The following CNTNAP2 variants were observed in gnomAD, a reference collection of about 807,000 sequenced individuals.
CNTNAP2 encodes the protein contactin associated protein 2.
A neutral mutation model predicts 155.2 loss-of-function variants in CNTNAP2; 98 were observed. The observed-to-expected ratio is 0.63, with a 90% confidence interval of 0.54 to 0.75. The LOEUF (loss-of-function observed/expected upper bound fraction) is 0.75, where lower values mean the gene tolerates loss of function less well. CNTNAP2 is among the 30% of genes least tolerant of loss of function. CNTNAP2 has a pLI of 0.00. For synonymous variants in CNTNAP2, 651 were observed against 631.2 expected, an observed-to-expected ratio of 1.03 and a Z score of -0.47; for missense variants, 1,727 against 1,688.1, an observed-to-expected ratio of 1.02 and a Z score of -0.40.
chr7:147,590,887 G>A (rs1030808409), intron 12 of CNTNAP2, among the ~76,000 whole-genome samples: 2 of 152,188 alleles, frequency 1.3e-5, no homozygotes, highest in Admixed American at 1.3e-4. Flanking sequence ...TATCTGAGGA[G>A]AAACTACTGA....
In CNTNAP2 at chr7:148,097,148, G is replaced by A. The variant is rs529708190; in HGVS notation, c.2384-20970G>A. ...AAACCGAACCCTTCCCACGTGGTCC[G>A]TGAAAACCCAGTTGCACATTTTCAG... On this transcript the variant is annotated intron_variant, in intron 15 of 23. Transcript: ENST00000361727. Among the ~76,000 whole-genome samples, 7 of 151,936 alleles carry A rather than the reference G, an allele frequency of 4.6e-5. No homozygotes were observed. In the South Asian group the frequency reaches 8.3e-4, roughly 18 times the overall value.
At chr7:146,790,962 G>A (rs1315697144) in intron 2 of CNTNAP2, among the ~76,000 whole-genome samples, 6 of 151,708 alleles carry the variant, frequency 4.0e-5, no homozygotes, top group South Asian at 2.1e-4. Flanking sequence ...GGGTACACGT[G>A]TGGAATGTGC....
intron 13 of CNTNAP2, among the ~76,000 whole-genome samples, chr7:147,692,226 C>G (rs879665546): frequency 6.6e-6 from 1 of 152,048 alleles, no homozygotes; most frequent in African/African-American, 2.4e-5. Context: ...TTTGTCATTG[C>G]AATGTACCAC....
chr7:147,586,474 A>ACC (rs2116835578), intron 12 of CNTNAP2, among the ~76,000 whole-genome samples: 1 of 137,202 alleles, frequency 7.3e-6, no homozygotes, highest in South Asian at 2.4e-4. Context: ...AGGGGCTTAG[A>ACC]AGTTTATTTT....
intron 1 of CNTNAP2, among the ~76,000 whole-genome samples, chr7:146,156,296 A>T (rs2116787762): frequency 6.6e-6 from 1 of 152,296 alleles, no homozygotes; most frequent in Admixed American, 6.5e-5. Context: ...CAAAGAGAAA[A>T]TAAAGAATGA....
At chr7:146,683,763 T>C (rs772988977) in intron 1 of CNTNAP2, among the ~76,000 whole-genome samples, 1 of 152,198 alleles carries the variant, frequency 6.6e-6, no homozygotes, top group Non-Finnish European at 1.5e-5. Flanking sequence ...GCCTATCACA[T>C]GTGGCATATA....
chr7:146,538,844 A>T, intron 1 of CNTNAP2, among the ~76,000 whole-genome samples: 1 of 152,244 alleles, frequency 6.6e-6, no homozygotes, highest in Middle Eastern at 3.4e-3. Context: ...TTTAAACATT[A>T]TCATAAAAAT....
intron 8 of CNTNAP2, among the ~76,000 whole-genome samples, chr7:147,299,347 AATCT>A: frequency 6.6e-6 from 1 of 152,264 alleles, no homozygotes; most frequent in South Asian, 2.1e-4. Flanking sequence ...TGGACAATTC[AATCT>A]AATTTTTGTT....
chr7:146,169,022 C>T (rs969643418), intron 1 of CNTNAP2, among the ~76,000 whole-genome samples: 1 of 152,162 alleles, frequency 6.6e-6, no homozygotes, highest in Non-Finnish European at 1.5e-5. Flanking sequence ...CATATTTGAA[C>T]CTCAGGACCT....
intron 12 of CNTNAP2, among the ~76,000 whole-genome samples, chr7:147,574,567 C>T (rs1800353109): frequency 6.6e-6 from 1 of 152,082 alleles, no homozygotes; most frequent in Admixed American, 6.6e-5. Flanking sequence ...AGGACTCTCT[C>T]ATCTGTTGTC....
At chr7:146,791,268 A>G (rs1802669334) in intron 2 of CNTNAP2, among the ~76,000 whole-genome samples, 1 of 152,108 alleles carries the variant, frequency 6.6e-6, no homozygotes, top group Non-Finnish European at 1.5e-5. Flanking sequence ...AAGGACATGA[A>G]TTCATCTTTT....
chr7:147,469,650 C>T (rs570786143), intron 10 of CNTNAP2, among the ~76,000 whole-genome samples: 47 of 151,778 alleles, frequency 3.1e-4, no homozygotes, highest in African/African-American at 1.1e-3. Flanking sequence ...TCCCGAGTAG[C>T]TGGGACTACA....
chr7:146,483,629 A>G (rs925834331), intron 1 of CNTNAP2, among the ~76,000 whole-genome samples: 5 of 151,502 alleles, frequency 3.3e-5, no homozygotes, highest in African/African-American at 7.3e-5. Flanking sequence ...AAGTTTTTAA[A>G]TATAATAAGG....
intron 3 of CNTNAP2, among the ~76,000 whole-genome samples, chr7:146,857,956 G>C (rs181566804): frequency 1.2e-4 from 19 of 152,288 alleles, no homozygotes; most frequent in Admixed American, 1.0e-3. Flanking sequence ...ATGCTTTCAG[G>C]CATGGAGAAC....
chr7:147,996,427 T>C (rs1801806243), intron 15 of CNTNAP2, among the ~76,000 whole-genome samples: 1 of 152,216 alleles, frequency 6.6e-6, no homozygotes, highest in Non-Finnish European at 1.5e-5. Context: ...AGGGAAAGTG[T>C]AGAAACTTAG....
chr7:146,285,315 A>G (rs1053156295), intron 1 of CNTNAP2, among the ~76,000 whole-genome samples: 16 of 152,162 alleles, frequency 1.1e-4, no homozygotes, highest in African/African-American at 2.9e-4. Context: ...CTTGACTATC[A>G]TAAGTGCATT....
intron 1 of CNTNAP2, among the ~76,000 whole-genome samples, chr7:146,656,360 A>G (rs967385719): frequency 1.2e-4 from 18 of 152,264 alleles, no homozygotes; most frequent in Admixed American, 1.1e-3. Flanking sequence ...CGTGAAAATT[A>G]GAAGTAACAA....
chr7:148,228,833 A>AC (rs1270649660), intron 19 of CNTNAP2, among the ~76,000 whole-genome samples: 3 of 151,692 alleles, frequency 2.0e-5, no homozygotes, highest in African/African-American at 7.3e-5. Flanking sequence ...GTTTCAAAAA[A>AC]AAAAAAAAAA....
intron 2 of CNTNAP2, among the ~76,000 whole-genome samples, chr7:146,831,758 T>A (rs752645841): frequency 2.0e-5 from 3 of 151,248 alleles, no homozygotes; most frequent in Non-Finnish European, 4.4e-5. Flanking sequence ...TATTTGTCTA[T>A]ACTCAGTTAG....
Sources: allele counts gnomAD v4.1 joint callset (sites outside exome capture counted in the v4.1 genomes callset), GRCh38; gene constraint gnomAD v4.1.1; transcripts MANE v1.5; gene names NCBI Gene and HGNC (gene_info 2026-07-23, HGNC 2026-07-21).